Variants in KIAA0930 observed in about 807,000 individuals in gnomAD.
KIAA0930 encodes the protein uncharacterized protein KIAA0930.
KIAA0930 carries 24 observed loss-of-function variants against 43.9 expected under a neutral mutation model. The ratio of observed to expected loss-of-function variants is 0.55; its 90% CI spans 0.40 to 0.77. KIAA0930 has a LOEUF of 0.77. KIAA0930 is among the 30% of genes least tolerant of loss of function. The pLI is 0.00. For missense variants in KIAA0930, 461 were observed against 574.2 expected, an observed-to-expected ratio of 0.80 and a Z score of 2.02; for synonymous variants, 259 against 216.4, an observed-to-expected ratio of 1.20 and a Z score of -1.73.
At chr22:45,226,422 C>A (rs751939826) in intron 1 of KIAA0930, 3 of 429,080 alleles carry the variant, frequency 7.0e-6, no homozygotes, top group South Asian at 1.7e-5. Context: ...CCTCAAGGTG[C>A]CTTGCATGGC....
At chr22:45,215,600 A>C (rs1234609273) in intron 1 of KIAA0930, among the ~76,000 whole-genome samples, 1 of 152,266 alleles carries the variant, frequency 6.6e-6, no homozygotes, top group Non-Finnish European at 1.5e-5. Flanking sequence ...GGATTCAACC[A>C]AATCGCCACC....
At chr22:45,216,068 A>C (rs1426404097) in intron 1 of KIAA0930, among the ~76,000 whole-genome samples, 3 of 151,962 alleles carry the variant, frequency 2.0e-5, no homozygotes, top group African/African-American at 7.3e-5. Flanking sequence ...GAGTGGAGAG[A>C]AAAGAGATTC....
At chr22:45,198,969 A>C (rs889491023) in intron 8 of KIAA0930, among the ~76,000 whole-genome samples, 2 of 152,114 alleles carry the variant, frequency 1.3e-5, no homozygotes, top group Non-Finnish European at 2.9e-5. Flanking sequence ...ACTTCCATAC[A>C]CTCAACAGAC....
At chr22:45,205,576 C>T (rs1329210091) in intron 4 of KIAA0930, 54 bp downstream of exon 4, 6 of 1,550,476 alleles carry the variant, frequency 3.9e-6, no homozygotes, top group East Asian at 4.5e-5. Context: ...CTCTCTGCCA[C>T]GCCCAGCCTG....
At chr22:45,212,516 A>G in intron 1 of KIAA0930, 1 of 1,414,186 alleles carries the variant, frequency 7.1e-7, no homozygotes, top group Non-Finnish European at 9.2e-7. Context: ...TCTCACCAAC[A>G]TCTCTCACCC....
In KIAA0930 at chr22:45,206,052, G is replaced by A. The variant is rs144456512; in HGVS notation, c.217-140C>T. ...ATTTTTTGAGACAGGGTCTCACACC[G>A]CTGCCCAGGCTAGAGAGCAGTGGTG... is the stretch of plus-strand genomic sequence containing the variant. On this transcript the variant is annotated intron_variant, in intron 2 of 9. Coordinates refer to ENST00000336156, the MANE Select transcript of KIAA0930 (RefSeq NM_001009880.2). The A allele has an allele frequency of 1.8e-3, 2,536 of 1,392,712 alleles. 26 individuals carry two copies. The African/African-American group carries it at 0.028, about 16-fold the overall frequency. The allele number at this position is 1,392,712 out of a possible 1,614,324, so 86.3% of individuals were successfully genotyped here.
At position 45,227,678 on chromosome 22, in the gene KIAA0930, G is replaced by A. The variant is rs532161451; in HGVS notation, c.64+12962C>T. On this transcript the variant is annotated intron_variant, in intron 1 of 9. Transcript: ENST00000336156. ...TACTGGAGGAAATGAAGTCCCCTCC[G>A]TAAAGGGGACTGCAGTGGTTCTGGC... Among the ~76,000 whole-genome samples the A allele has an allele frequency of 7.2e-5, 11 of 152,286 alleles. No individual in the cohort carries two copies. In the South Asian group the frequency reaches 8.3e-4, roughly 11 times the overall value.
intron 7 of KIAA0930, chr22:45,201,096 C>A (rs2083584857): frequency 2.2e-6 from 1 of 457,676 alleles, no homozygotes; most frequent in African/African-American, 2.0e-5. Context: ...CTCGTCACGG[C>A]TCCGACATCC....
In KIAA0930 at chr22:45,204,291, C is replaced by A. The variant is rs374474039; in HGVS notation, c.517-306G>T. Among the ~76,000 whole-genome samples, 576 of 152,294 alleles carry A rather than the reference C, an allele frequency of 3.8e-3. 4 individuals are homozygous for A. Among genetic ancestry groups the A allele is most frequent in the African/African-American group, 0.013 (552 of 41,554 alleles). On this transcript the variant is annotated intron_variant, in intron 5 of 9. Transcript: ENST00000336156. The stretch of plus-strand genomic sequence containing the variant: ...AGCCACCGTCTGGGCCCCTCCACAC[C>A]GCCTAGGGGTGCCCAGCCCTGCCTG...
chr22:45,231,648 C>T (rs2083854363), intron 1 of KIAA0930, among the ~76,000 whole-genome samples: 1 of 152,088 alleles, frequency 6.6e-6, no homozygotes, highest in African/African-American at 2.4e-5. Flanking sequence ...ATGGTGACTA[C>T]AAATACATAA....
rs535959719 is a variant in KIAA0930, at chr22:45,226,030, C to A, written c.65-13923G>T. Reference sequence around the variant, plus strand: ...CAGAAAAGGCCCTTTGCTGGCAGGGCGTCCGGGGCCCAGCGCAGGGCAGTA... The same window carrying A: ...CAGAAAAGGCCCTTTGCTGGCAGGGAGTCCGGGGCCCAGCGCAGGGCAGTA... On this transcript the variant is annotated intron_variant, in intron 1 of 9. Coordinates refer to ENST00000336156, the MANE Select transcript of KIAA0930 (RefSeq NM_001009880.2). 1.1e-5 allele frequency: 3 copies of A among 285,004 alleles called. No homozygotes were observed. The East Asian group carries it at 2.6e-4, about 25-fold the overall frequency. The allele number at this position is 285,004 out of a possible 1,614,324, so 17.7% of individuals were successfully genotyped here.
intron 5 of KIAA0930, among the ~76,000 whole-genome samples, chr22:45,204,865 T>C (rs530489703): frequency 3.3e-5 from 5 of 152,162 alleles, no homozygotes; most frequent in Non-Finnish European, 7.4e-5. Flanking sequence ...AGGCGCTTCT[T>C]TATCATTTAC....
chr22:45,222,281 AAGG>A (rs2147756985), intron 1 of KIAA0930, among the ~76,000 whole-genome samples: 1 of 152,066 alleles, frequency 6.6e-6, no homozygotes, highest in East Asian at 1.9e-4. Flanking sequence ...AAAAGCTATT[AAGG>A]AGAAGAATGA....
At chr22:45,214,501 C>T (rs778460233) in intron 1 of KIAA0930, among the ~76,000 whole-genome samples, 4 of 152,188 alleles carry the variant, frequency 2.6e-5, no homozygotes, top group South Asian at 2.1e-4. Context: ...CACATTCACA[C>T]GATGTTTCGG....
rs990886436 is a variant in KIAA0930, at chr22:45,196,717, C to G, written c.*459G>C. On this transcript the variant is annotated 3_prime_UTR_variant, in exon 10 of 10. Coordinates refer to ENST00000336156, the MANE Select transcript of KIAA0930 (RefSeq NM_001009880.2). This position sits in a 1 kb window ranked among gnomAD's most constrained non-coding sequence, Gnocchi z 4.1. The stretch of plus-strand genomic sequence containing the variant: ...ACTCGGGTGCTGAAGTTCATCCGCA[C>G]GGCATTCCAGAATCTTCCACCGGCT... 6.3e-6 allele frequency: 1 copy of G among 159,188 alleles called. No homozygotes were observed. The highest frequency in any genetic ancestry group is 2.4e-5 in the African/African-American group (1 of 41,724). The allele number at this position is 159,188 out of a possible 1,614,324, so 9.9% of individuals were successfully genotyped here. A position where few individuals can be genotyped will look rare whatever the true frequency, so the allele number is the denominator to read the frequency against.
intron 1 of KIAA0930, among the ~76,000 whole-genome samples, chr22:45,221,577 A>ACGGCTTC (rs144692423): frequency 0.02 from 3,107 of 152,338 alleles, 103 homozygotes; most frequent in African/African-American, 0.071. Context: ...AGTTTCCAGA[A>ACGGCTTC]TGGCATATAT....
At chr22:45,238,276 C>T (rs930522191) in intron 1 of KIAA0930, among the ~76,000 whole-genome samples, 9 of 152,332 alleles carry the variant, frequency 5.9e-5, no homozygotes, top group African/African-American at 1.7e-4. Flanking sequence ...TGGCCCTCCA[C>T]GCCCTTCATC....
At chr22:45,235,625 G>A (rs899478116) in intron 1 of KIAA0930, among the ~76,000 whole-genome samples, 11 of 152,190 alleles carry the variant, frequency 7.2e-5, no homozygotes, top group African/African-American at 2.7e-4. Context: ...CTGATTCCAC[G>A]TGCAGGCACT....
At chr22:45,207,050 G>A (rs940529106) in intron 2 of KIAA0930, among the ~76,000 whole-genome samples, 10 of 150,332 alleles carry the variant, frequency 6.7e-5, no homozygotes, top group Non-Finnish European at 1.0e-4. Context: ...TCTGTCACCC[G>A]GGCTGGAGTA....
Sources: gnomAD v4.1 joint callset for allele counts (sites outside exome capture counted in the v4.1 genomes callset) on GRCh38, gnomAD v4.1.1 for gene constraint, Gnocchi (gnomAD v3.1) non-coding constraint, MANE v1.5 for transcripts, NCBI Gene and HGNC (gene_info 2026-07-23, HGNC 2026-07-21) for gene names.